The following SIAE variants were observed in gnomAD, a reference collection of about 807,000 sequenced individuals.
SIAE encodes sialate O-acetylesterase.
Under a neutral mutation model 52.6 loss-of-function variants are expected in SIAE, and 39 were observed. That is an observed-to-expected ratio of 0.74 (90% CI 0.57 to 0.97). The LOEUF (loss-of-function observed/expected upper bound fraction) is 0.97, where lower values mean the gene tolerates loss of function less well. SIAE is among the 50% of genes least tolerant of loss of function. SIAE has a pLI of 0.00. For missense variants in SIAE, 592 were observed against 662.1 expected, an observed-to-expected ratio of 0.89 and a Z score of 1.16; for synonymous variants, 233 against 241.4, an observed-to-expected ratio of 0.97 and a Z score of 0.32.
At chr11:124,638,999 A>T (rs1210453703) in intron 8 of SIAE, among the ~76,000 whole-genome samples, 1 of 152,084 alleles carries the variant, frequency 6.6e-6, no homozygotes, top group Non-Finnish European at 1.5e-5. Flanking sequence ...GGAGGGAGGG[A>T]GACATGGAAG....
At chr11:124,646,738 G>A (rs1942940986) in intron 7 of SIAE, among the ~76,000 whole-genome samples, 2 of 152,284 alleles carry the variant, frequency 1.3e-5, no homozygotes, top group Middle Eastern at 3.4e-3. Flanking sequence ...TTACCTTAGG[G>A]AAATAATCAA....
At chr11:124,669,186 T>C (rs1943313951) in intron 2 of SIAE, among the ~76,000 whole-genome samples, 174 bp downstream of exon 2, 1 of 152,248 alleles carries the variant, frequency 6.6e-6, no homozygotes, top group Non-Finnish European at 1.5e-5. Context: ...TATTTTTGTT[T>C]GTATCCTCAG....
chr11:124,649,635 C>T lies in SIAE; in HGVS notation c.706G>A (p.Gly236Arg), dbSNP rs533417722. The T allele has an allele frequency of 1.2e-6, 2 of 1,614,104 alleles. No homozygotes were observed. Among genetic ancestry groups the T allele is most frequent in the Non-Finnish European group, 1.7e-6 (2 of 1,180,030 alleles). ...CTGTCTTACCCTTGTTTAGGGACCC[C>T]ACAGGCTTTCAGTGACCGTCCAGAT... ...WSSGRSLKAC[G>R]VPKQGSIPYD... is the part of the protein sequence containing the mutation. Residue 236 changes from glycine to arginine, a missense_variant, in exon 5 of 10, where the codon GGG (glycine) becomes AGG (arginine). Physicochemically the swap from Gly to Arg is moderately radical, Grantham distance 125. Transcript: ENST00000263593.
chr11:124,649,716 A>G lies in SIAE; in HGVS notation c.625T>C (p.Tyr209His). Reference sequence around the variant, plus strand: ...CTGGAGGCGATCAGCCCGATGGGATACTGCAGAGTGTCATAAAGGTGACGT... The same window carrying G: ...CTGGAGGCGATCAGCCCGATGGGATGCTGCAGAGTGTCATAAAGGTGACGT... Reference protein sequence around the residue: ...FGRHLYDTLQYPIGLIASSWG... With the variant: ...FGRHLYDTLQHPIGLIASSWG... The change falls in exon 5 of 10, where the codon TAT becomes CAT. Residue 209 changes from tyrosine to histidine, a missense_variant. By Grantham distance (83) the Tyr-to-His change is moderately conservative (BLOSUM62 2). Coordinates refer to ENST00000263593, the MANE Select transcript of SIAE (RefSeq NM_170601.5). The G allele has an allele frequency of 6.2e-7, 1 of 1,614,194 alleles. No homozygotes were observed. Among genetic ancestry groups the G allele is most frequent in the African/African-American group, 1.3e-5 (1 of 75,038 alleles).
chr11:124,644,351 G>GGAAAAAAAAAAAAAA (rs1555096422), intron 7 of SIAE, among the ~76,000 whole-genome samples: 1 of 98,994 alleles, frequency 1.0e-5, no homozygotes, highest in African/African-American at 4.0e-5. Flanking sequence ...AGTCTGTGGT[G>GGAAAAAAAAAAAAAA]AGAAAAAAAA....
intron 3 of SIAE, among the ~76,000 whole-genome samples, chr11:124,655,439 T>G (rs1453130952): frequency 6.6e-6 from 1 of 152,164 alleles, no homozygotes; most frequent in Non-Finnish European, 1.5e-5. Flanking sequence ...CCTCCCAGAG[T>G]GCTGGGATTA....
intron 8 of SIAE, 48 bp from the exon 9 acceptor site, chr11:124,638,785 TCAC>T (rs769909301): frequency 6.1e-6 from 9 of 1,474,724 alleles, no homozygotes; most frequent in Non-Finnish European, 6.6e-6. Flanking sequence ...AGCTCAACAA[TCAC>T]CACATTTTTT....
At chr11:124,655,301 G>A (rs916261689) in intron 3 of SIAE, among the ~76,000 whole-genome samples, 20 of 150,932 alleles carry the variant, frequency 1.3e-4, no homozygotes, top group East Asian at 3.9e-4. Context: ...TCAGCCTCCC[G>A]AGTAGCTGGA....
chr11:124,652,410 G>A (rs956656264), intron 4 of SIAE, among the ~76,000 whole-genome samples: 3 of 152,060 alleles, frequency 2.0e-5, no homozygotes, highest in Non-Finnish European at 4.4e-5. Flanking sequence ...GCAGGAGACC[G>A]GGCGCGGTGG....
rs1943344789 is a variant in SIAE at position 124,670,954 on chromosome 11, G to A, written c.68-1433C>T. 2.6e-5 allele frequency among the ~76,000 whole-genome samples: 4 copies of A among 152,292 alleles called. No homozygotes were observed. In the South Asian group the frequency reaches 8.3e-4, roughly 32 times the overall value. On this transcript the variant is annotated intron_variant, in intron 1 of 9. Coordinates refer to ENST00000263593, the MANE Select transcript of SIAE (RefSeq NM_170601.5). The surrounding 1 kb of genome is among the most constrained non-coding windows in gnomAD (Gnocchi z 4.5). ...TGTGGGAGGGCCTTGTCTTGGGTAGGTGCTTCATATGGAACCAAAAAAAGG... is the reference window on the plus strand; with the variant it reads ...TGTGGGAGGGCCTTGTCTTGGGTAGATGCTTCATATGGAACCAAAAAAAGG...
At chr11:124,644,384 A>G (rs1342583005) in intron 7 of SIAE, among the ~76,000 whole-genome samples, 1 of 151,074 alleles carries the variant, frequency 6.6e-6, no homozygotes, top group African/African-American at 2.5e-5. Flanking sequence ...ACTAGCCTGA[A>G]GCTCAACAGG....
intron 9 of SIAE, among the ~76,000 whole-genome samples, chr11:124,637,720 A>C (rs907483079): frequency 2.6e-5 from 4 of 152,236 alleles, no homozygotes; most frequent in African/African-American, 9.6e-5. Flanking sequence ...CTCAGAATGC[A>C]GACGTCTCTC....
chr11:124,654,618 A>C, intron 4 of SIAE, 37 bp downstream of exon 4: 1 of 1,613,994 alleles, frequency 6.2e-7, no homozygotes, highest in African/African-American at 1.3e-5. Context: ...GCGCTAACCC[A>C]TTATATAAGA....
intron 2 of SIAE, among the ~76,000 whole-genome samples, chr11:124,661,040 C>A (rs566640432): frequency 6.6e-6 from 1 of 152,226 alleles, no homozygotes; most frequent in African/African-American, 2.4e-5. Context: ...AAGTAAGTTA[C>A]CCAGTTATAA....
chr11:124,671,385 C>T (rs1254959076), intron 1 of SIAE, among the ~76,000 whole-genome samples: 2 of 152,026 alleles, frequency 1.3e-5, no homozygotes, highest in East Asian at 3.9e-4. Flanking sequence ...ATAATAATAG[C>T]AGGCAAAAAT....
chr11:124,647,463 T>A lies in SIAE; in HGVS notation c.868A>T (p.Asn290Tyr), dbSNP rs1044959025. 26 of 1,614,080 alleles carry A rather than the reference T, an allele frequency of 1.6e-5. No homozygotes were observed. Among genetic ancestry groups the A allele is most frequent in the Non-Finnish European group, 2.0e-5 (24 of 1,180,044 alleles). ...SNINYNTDLY[N>Y]CTFPALIEDW... ...TCGATGAGTGCAGGGAATGTGCAATTGTACAGATCCGTGTTATAATTTATA... is the reference window on the plus strand; with the variant it reads ...TCGATGAGTGCAGGGAATGTGCAATAGTACAGATCCGTGTTATAATTTATA... Residue 290 changes from asparagine to tyrosine, a missense_variant, in exon 7 of 10, where the codon AAT (asparagine) becomes TAT (tyrosine). By Grantham distance (143) the Asn-to-Tyr change is moderately radical. Coordinates refer to ENST00000263593, the MANE Select transcript of SIAE (RefSeq NM_170601.5).
At chr11:124,672,932 A>G (rs1167167383) in intron 1 of SIAE, among the ~76,000 whole-genome samples, 1 of 152,176 alleles carries the variant, frequency 6.6e-6, no homozygotes, top group Non-Finnish European at 1.5e-5. Flanking sequence ...TTTAGTTTGC[A>G]TTATCAGACA....
rs1302263333 is a variant in SIAE, at chr11:124,633,964, T to C, written c.*2987A>G. 1 of 152,244 alleles carries C rather than the reference T, an allele frequency of 6.6e-6. No individual in the cohort carries two copies. The highest frequency in any genetic ancestry group is 6.5e-5 in the Admixed American group (1 of 15,284). The allele number at this position is 152,244 out of a possible 1,614,324, so 9.4% of individuals were successfully genotyped here. On this transcript the variant is annotated 3_prime_UTR_variant, in exon 10 of 10. Transcript: ENST00000263593. Reference sequence around the variant, plus strand: ...ACTGGTTTTTCAGCTATAATGCATATACAACTATAGTGTGTACGTATACCA... The same window carrying C: ...ACTGGTTTTTCAGCTATAATGCATACACAACTATAGTGTGTACGTATACCA...
intron 7 of SIAE, among the ~76,000 whole-genome samples, chr11:124,644,957 T>C (rs1196801423): frequency 1.3e-5 from 2 of 152,238 alleles, no homozygotes; most frequent in Admixed American, 6.5e-5. Flanking sequence ...CCAGATCTTC[T>C]GATTTCTCTC....
Sources: gnomAD v4.1 joint callset for allele counts (sites outside exome capture counted in the v4.1 genomes callset) on GRCh38, gnomAD v4.1.1 for gene constraint, Gnocchi (gnomAD v3.1) non-coding constraint, MANE v1.5 for transcripts, NCBI Gene and HGNC (gene_info 2026-07-23, HGNC 2026-07-21) for gene names.